Variants in AP1S3 observed in about 807,000 individuals in gnomAD.
AP1S3 encodes the protein AP-1 complex subunit sigma-3.
In AP1S3, 10 loss-of-function variants were observed where a neutral mutation model predicts 20.9. The observed-to-expected ratio is 0.48, with a 90% CI of 0.29 to 0.81. The LOEUF (loss-of-function observed/expected upper bound fraction) is 0.81, where lower values mean the gene tolerates loss of function less well. Among genes scored for constraint, AP1S3 ranks in the 30% least tolerant of loss-of-function variants. The pLI is 0.08. For synonymous variants in AP1S3, 41 were observed against 61.5 expected, an observed-to-expected ratio of 0.67 and a Z score of 1.56; for missense variants, 154 against 183.8, an observed-to-expected ratio of 0.84 and a Z score of 0.94.
At chr2:223,824,173 T>C (rs1452890060) in intron 1 of AP1S3, among the ~76,000 whole-genome samples, 1 of 149,294 alleles carries the variant, frequency 6.7e-6, no homozygotes, top group Non-Finnish European at 1.5e-5. Flanking sequence ...CTAACTTTTG[T>C]ATTTTTTTTA....
intron 1 of AP1S3, among the ~76,000 whole-genome samples, chr2:223,785,368 A>G (rs1456955169): frequency 6.6e-6 from 1 of 152,162 alleles, no homozygotes; most frequent in Non-Finnish European, 1.5e-5. Context: ...AAATAAAAAG[A>G]TTATATTGTG....
rs529082398 is a variant in AP1S3, at chr2:223,771,909, C to A, written c.291+3992G>T. ...ATCACCTGAGGCCAGGAGTTTGAGA[C>A]CAGCCTGGCCAACATGGCAAAAACC... On this transcript the variant is annotated intron_variant, in intron 3 of 4. Transcript: ENST00000396654. Among the ~76,000 whole-genome samples, 24 of 152,294 alleles carry A rather than the reference C, an allele frequency of 1.6e-4. 1 individual carries two copies. The highest frequency in any genetic ancestry group is 3.4e-3 in the Middle Eastern group (1 of 294).
chr2:223,806,466 A>G (rs934306458), intron 1 of AP1S3, among the ~76,000 whole-genome samples: 2 of 151,732 alleles, frequency 1.3e-5, no homozygotes, highest in African/African-American at 4.8e-5. Flanking sequence ...TCATATTTTT[A>G]GTAGAGACAG....
At chr2:223,801,918 G>A (rs1691476197) in intron 1 of AP1S3, among the ~76,000 whole-genome samples, 1 of 152,192 alleles carries the variant, frequency 6.6e-6, no homozygotes, top group Non-Finnish European at 1.5e-5. Context: ...TGTGTCACTA[G>A]TATTACATTT....
At chr2:223,771,134 G>A (rs1207995363) in intron 3 of AP1S3, among the ~76,000 whole-genome samples, 1 of 151,680 alleles carries the variant, frequency 6.6e-6, no homozygotes, top group Non-Finnish European at 1.5e-5. Flanking sequence ...TCAAGAGTTC[G>A]AGACCAGACT....
At chr2:223,791,743 T>C (rs981498017) in intron 1 of AP1S3, among the ~76,000 whole-genome samples, 2 of 152,206 alleles carry the variant, frequency 1.3e-5, no homozygotes, top group African/African-American at 4.8e-5. Flanking sequence ...AGTCAAACTA[T>C]CTTTGTTTGC....
intron 1 of AP1S3, among the ~76,000 whole-genome samples, chr2:223,796,172 C>CA (rs1210572081): frequency 6.6e-6 from 1 of 152,026 alleles, no homozygotes; most frequent in Non-Finnish European, 1.5e-5. Flanking sequence ...GACTCCATCT[C>CA]AAAAAAATTA....
intron 1 of AP1S3, among the ~76,000 whole-genome samples, chr2:223,816,896 G>A (rs1167452085): frequency 6.6e-6 from 1 of 152,214 alleles, no homozygotes; most frequent in African/African-American, 2.4e-5. Flanking sequence ...GGGAGGCCAA[G>A]GCGAGTGGAT....
At chr2:223,811,681 G>A (rs1036714157) in intron 1 of AP1S3, among the ~76,000 whole-genome samples, 4 of 152,104 alleles carry the variant, frequency 2.6e-5, no homozygotes, top group South Asian at 2.1e-4. Flanking sequence ...ATTGATGCTG[G>A]GGGCATTCTG....
At chr2:223,783,083 A>G (rs1333483550) in intron 1 of AP1S3, among the ~76,000 whole-genome samples, 1 of 152,220 alleles carries the variant, frequency 6.6e-6, no homozygotes, top group Non-Finnish European at 1.5e-5. Flanking sequence ...CCAAGAGCCA[A>G]CTTAAATGCA....
rs1333026779 is a variant in AP1S3 at position 223,758,081 on chromosome 2, CTAAGGCATCAAAAACACTTAT to C, written c.*613_*633del. 1.0e-6 allele frequency: 1 copy of C among 984,220 alleles called. No homozygotes were observed. The highest frequency in any genetic ancestry group is 1.2e-6 in the Non-Finnish European group (1 of 828,752). The allele number at this position is 984,220 out of a possible 1,614,324, so 61.0% of individuals were successfully genotyped here. A position where few individuals can be genotyped will look rare whatever the true frequency, so the allele number is the denominator to read the frequency against. Reference sequence around the variant, plus strand: ...AAAACCTCAGTCAAGATAGCAGCTTCTAAGGCATCAAAAACACTTATTAAGTTCTATACTCTTTGGTTATTT... The same window carrying C: ...AAAACCTCAGTCAAGATAGCAGCTTCTAAGTTCTATACTCTTTGGTTATTT... On this transcript the variant is annotated 3_prime_UTR_variant, in exon 5 of 5. Coordinates refer to ENST00000396654, the MANE Select transcript of AP1S3 (RefSeq NM_001039569.2).
At position 223,826,465 on chromosome 2, in the gene AP1S3, C is replaced by T. The variant is rs139454820; in HGVS notation, c.3+10983G>A. Among the ~76,000 whole-genome samples the T allele has an allele frequency of 7.8e-4, 118 of 152,144 alleles. No individual in the cohort carries two copies. In the East Asian group the frequency reaches 7.9e-3, roughly 10 times the overall value. On this transcript the variant is annotated intron_variant, in intron 1 of 4. Transcript: ENST00000396654. ...AAAATTAGCTGAGCATAGTGGTGTG[C>T]GCCCGTAATCCCAGCTAATTGAGAG...
At chr2:223,788,849 C>A (rs1456598823) in intron 1 of AP1S3, among the ~76,000 whole-genome samples, 3 of 151,912 alleles carry the variant, frequency 2.0e-5, no homozygotes, top group Middle Eastern at 3.2e-3. Flanking sequence ...TAATTCAGAG[C>A]CTGAAAAGCT....
intron 1 of AP1S3, among the ~76,000 whole-genome samples, chr2:223,826,017 A>G (rs964805255): frequency 5.3e-5 from 8 of 152,210 alleles, no homozygotes; most frequent in South Asian, 2.1e-4. Flanking sequence ...CTCTGTCTCA[A>G]AAAGAACACA....
chr2:223,798,873 A>C (rs1295115672), intron 1 of AP1S3, among the ~76,000 whole-genome samples: 3 of 152,126 alleles, frequency 2.0e-5, no homozygotes, highest in African/African-American at 7.2e-5. Context: ...GGAGTTTGAG[A>C]CCAGCCTGGC....
At chr2:223,823,295 T>C (rs1174917729) in intron 1 of AP1S3, among the ~76,000 whole-genome samples, 1 of 152,168 alleles carries the variant, frequency 6.6e-6, no homozygotes, top group Non-Finnish European at 1.5e-5. Context: ...CAATCCCAGG[T>C]TCATTGCCTC....
At chr2:223,761,846 A>G (rs920711746) in intron 4 of AP1S3, among the ~76,000 whole-genome samples, 7 of 152,216 alleles carry the variant, frequency 4.6e-5, no homozygotes, top group Non-Finnish European at 1.0e-4. Context: ...TACAGGCATG[A>G]GCCATCGCAT....
intron 1 of AP1S3, among the ~76,000 whole-genome samples, chr2:223,804,852 A>C (rs1691543782): frequency 6.6e-6 from 1 of 152,226 alleles, no homozygotes; most frequent in African/African-American, 2.4e-5. Context: ...AAATATCTAC[A>C]TTTAGGAAAA....
intron 1 of AP1S3, among the ~76,000 whole-genome samples, chr2:223,802,680 T>A (rs1467455597): frequency 3.3e-5 from 5 of 152,160 alleles, no homozygotes; most frequent in Non-Finnish European, 7.3e-5. Context: ...AATAGTGTAC[T>A]TCACTTTCAT....
Sources: allele counts gnomAD v4.1 joint callset (sites outside exome capture counted in the v4.1 genomes callset), GRCh38; gene constraint gnomAD v4.1.1; transcripts MANE v1.5; gene names NCBI Gene and HGNC (gene_info 2026-07-23, HGNC 2026-07-21).